The following DPP10 variants were observed in gnomAD, a reference collection of about 807,000 sequenced individuals.
The protein encoded by DPP10 is dipeptidyl peptidase like 10.
Under a neutral mutation model 120.9 loss-of-function variants are expected in DPP10, and 33 were observed. That is an observed-to-expected ratio of 0.27 (90% CI 0.21 to 0.37). The LOEUF (loss-of-function observed/expected upper bound fraction) is 0.37, where lower values mean the gene tolerates loss of function less well. Ranked by LOEUF, DPP10 falls within the 10% of genes least tolerant of loss-of-function variation. DPP10 has a pLI of 1.00. For synonymous variants in DPP10, 337 were observed against 326.1 expected, an observed-to-expected ratio of 1.03 and a Z score of -0.36; for missense variants, 816 against 942.8, an observed-to-expected ratio of 0.87 and a Z score of 1.76.
intron 21 of DPP10, among the ~76,000 whole-genome samples, chr2:115,825,349 A>C (rs1688204181): frequency 6.6e-6 from 1 of 152,152 alleles, no homozygotes; most frequent in Non-Finnish European, 1.5e-5. Context: ...CCACTGGAAA[A>C]CACTATTCCC....
At chr2:115,433,098 A>G (rs2071155894) in intron 3 of DPP10, among the ~76,000 whole-genome samples, 1 of 152,048 alleles carries the variant, frequency 6.6e-6, no homozygotes, top group Admixed American at 6.6e-5. Context: ...TTGAGAGCCC[A>G]CATCATTATT....
chr2:115,055,568 T>C (rs934435425), intron 1 of DPP10, among the ~76,000 whole-genome samples: 3 of 152,206 alleles, frequency 2.0e-5, no homozygotes, highest in Non-Finnish European at 2.9e-5. Flanking sequence ...AATTGAAATA[T>C]AAAATATTTT....
chr2:115,230,266 A>G (rs1221253375), intron 1 of DPP10, among the ~76,000 whole-genome samples: 2 of 151,774 alleles, frequency 1.3e-5, no homozygotes, highest in Non-Finnish European at 2.9e-5. Context: ...TTTAATGTTG[A>G]TTTTATGTCT....
chr2:115,331,554 T>C (rs1388518984), intron 2 of DPP10, among the ~76,000 whole-genome samples: 1 of 152,172 alleles, frequency 6.6e-6, no homozygotes, highest in African/African-American at 2.4e-5. Flanking sequence ...ATATTGGCTG[T>C]GGGTTTGTCA....
chr2:114,990,503 C>G (rs1218144955), intron 1 of DPP10, among the ~76,000 whole-genome samples: 1 of 151,802 alleles, frequency 6.6e-6, no homozygotes, highest in African/African-American at 2.4e-5. Flanking sequence ...TCCTTTTTTT[C>G]CATGTTATAT....
chr2:114,571,373 G>T (rs1226285136), intron 1 of DPP10, among the ~76,000 whole-genome samples: 1 of 152,098 alleles, frequency 6.6e-6, no homozygotes, highest in Non-Finnish European at 1.5e-5. Context: ...CACCATGATT[G>T]TAAGTTTCCT....
intron 5 of DPP10, among the ~76,000 whole-genome samples, chr2:115,604,608 A>G (rs1393516904): frequency 1.3e-5 from 2 of 152,190 alleles, no homozygotes; most frequent in African/African-American, 2.4e-5. Context: ...GATTTACCCT[A>G]CCTTCTTCAC....
intron 1 of DPP10, among the ~76,000 whole-genome samples, chr2:114,957,380 C>A (rs1277456087): frequency 6.6e-6 from 1 of 151,772 alleles, no homozygotes; most frequent in East Asian, 1.9e-4. Flanking sequence ...CAGGGAAATG[C>A]AAATCAAAAC....
At chr2:114,483,734 A>T (rs1376680639) in intron 1 of DPP10, among the ~76,000 whole-genome samples, 3 of 152,150 alleles carry the variant, frequency 2.0e-5, no homozygotes, top group African/African-American at 7.2e-5. Flanking sequence ...TCTGGGGCTT[A>T]CAAACTGGAG....
At chr2:115,805,575 ATTT>A (rs34290717) in intron 19 of DPP10, among the ~76,000 whole-genome samples, 1 of 134,282 alleles carries the variant, frequency 7.4e-6, no homozygotes, top group Admixed American at 7.4e-5. Context: ...CTTGGCTCCC[ATTT>A]TTTTTTTTTT....
chr2:115,814,773 C>A lies in DPP10; in HGVS notation c.1701-20C>A. 6.7e-7 allele frequency: 1 copy of A among 1,492,452 alleles called. No homozygotes were observed. Among genetic ancestry groups the A allele is most frequent in the South Asian group, 1.5e-5 (1 of 68,326 alleles). 92.5% of individuals were successfully genotyped at this position (1,492,452 alleles called of 1,614,324 possible). A position where few individuals can be genotyped will look rare whatever the true frequency, so the allele number is the denominator to read the frequency against. ...ATTTTCAGTTGCTCTTGTTTTGGTC[C>A]AATATGTTGGTATTTGCAGGGATGA... On this transcript the variant is annotated intron_variant, in intron 19 of 25. Transcript: ENST00000410059.
In DPP10 at chr2:114,626,597, G is replaced by A. The variant is rs78747239; in HGVS notation, c.60+183759G>A. Among the ~76,000 whole-genome samples, 34 of 152,066 alleles carry A rather than the reference G, an allele frequency of 2.2e-4. No homozygotes were observed. In the East Asian group the frequency reaches 4.4e-3, roughly 20 times the overall value. ...TTCTAGTTTTAGAAAAAGACTGAGG[G>A]CTCACCCATCTAGAAGCAGATCTAG... On this transcript the variant is annotated intron_variant, in intron 1 of 25. Transcript: ENST00000410059.
At chr2:115,799,510 T>C (rs1044547855) in intron 19 of DPP10, among the ~76,000 whole-genome samples, 1 of 152,020 alleles carries the variant, frequency 6.6e-6, no homozygotes, top group Non-Finnish European at 1.5e-5. Flanking sequence ...TGTATACATG[T>C]GCCATGTTGG....
At chr2:115,478,861 A>G (rs537864936) in intron 3 of DPP10, among the ~76,000 whole-genome samples, 6 of 152,340 alleles carry the variant, frequency 3.9e-5, no homozygotes, top group African/African-American at 1.4e-4. Flanking sequence ...ATACCACATC[A>G]CATTCACTAT....
Position 115,690,820 on chromosome 2 carries a change from T to G in DPP10, c.576+899T>G, listed in dbSNP as rs572968133. 5.3e-4 allele frequency among the ~76,000 whole-genome samples: 80 copies of G among 152,332 alleles called. 1 individual carries two copies. The highest frequency in any genetic ancestry group is 1.7e-3 in the African/African-American group (70 of 41,570). The stretch of plus-strand genomic sequence containing the variant: ...GCTTACTATCCTGTGCATGCTCAGA[T>G]GTACTGAGCATCACCAAACTGATTT... On this transcript the variant is annotated intron_variant, in intron 7 of 25. Coordinates refer to ENST00000410059, the MANE Select transcript of DPP10 (RefSeq NM_020868.6).
chr2:114,827,874 A>G (rs1202808961), intron 1 of DPP10, among the ~76,000 whole-genome samples: 2 of 152,194 alleles, frequency 1.3e-5, no homozygotes, highest in Non-Finnish European at 2.9e-5. Flanking sequence ...CCCCTCCAGC[A>G]ATAGTGTTTT....
At chr2:115,334,228 C>CTTTTTTTTTTTTTTTTTTTT (rs1393213758) in intron 2 of DPP10, among the ~76,000 whole-genome samples, 3 of 22,332 alleles carry the variant, frequency 1.3e-4, no homozygotes, top group East Asian at 1.2e-3. Context: ...AGAGCAGACT[C>CTTTTTTTTTTTTTTTTTTTT]TGTTTTTTTT....
chr2:115,441,640 T>G (rs895959223), intron 3 of DPP10, among the ~76,000 whole-genome samples: 4 of 152,140 alleles, frequency 2.6e-5, no homozygotes, highest in Non-Finnish European at 5.9e-5. Context: ...ATTGAGCACT[T>G]GAAATGTAAT....
At chr2:114,462,253 A>G in intron 1 of DPP10, 9 of 537,894 alleles carry the variant, frequency 1.7e-5, no homozygotes, top group Non-Finnish European at 2.1e-5. Context: ...CTAATATTTT[A>G]CACTACTATA....
Sources: allele counts gnomAD v4.1 joint callset (sites outside exome capture counted in the v4.1 genomes callset), GRCh38; gene constraint gnomAD v4.1.1; transcripts MANE v1.5; gene names NCBI Gene and HGNC (gene_info 2026-07-23, HGNC 2026-07-21).